RBFOX1: variants seen among roughly 807,000 people sequenced by gnomAD.
RBFOX1 encodes RNA binding protein fox-1 homolog 1.
RBFOX1 carries 8 observed loss-of-function variants against 57.7 expected under a neutral mutation model. The ratio of observed to expected loss-of-function variants is 0.14; its 90% CI spans 0.08 to 0.25. The LOEUF (loss-of-function observed/expected upper bound fraction) is 0.25. RBFOX1 is among the 10% of genes least tolerant of loss of function. The pLI, the probability that RBFOX1 is intolerant of heterozygous loss-of-function variation, is 1.00. For missense variants in RBFOX1, 611 were observed against 548.5 expected (o/e 1.11, Z -1.14); for synonymous variants, 326 against 222.4 (o/e 1.47, Z -4.15).
At chr16:5,513,965 T>C (rs1388036788) in intron 2 of RBFOX1, among the ~76,000 whole-genome samples, 1 of 152,204 alleles carries the variant, frequency 6.6e-6, no homozygotes, top group African/African-American at 2.4e-5. Flanking sequence ...ATGAATAAAA[T>C]ACCAACATGT....
rs1445751698 is a variant in RBFOX1 at position 5,924,321 on chromosome 16, C to T, written c.351+56986C>T. 2.6e-5 allele frequency among the ~76,000 whole-genome samples: 4 copies of T among 152,132 alleles called. No individual in the cohort carries two copies. In the East Asian group the frequency reaches 5.8e-4, roughly 22 times the overall value. ...CTGCTATAATTTGGATGTTTAACCCCTCCAAACCTCATGTTAAAATTTGAT... is the reference window on the plus strand; with the variant it reads ...CTGCTATAATTTGGATGTTTAACCCTTCCAAACCTCATGTTAAAATTTGAT... On this transcript the variant is annotated intron_variant, in intron 4 of 19. Coordinates refer to the RBFOX1 transcript ENST00000641259.
intron 2 of RBFOX1, among the ~76,000 whole-genome samples, chr16:6,615,236 A>G (rs1215742495): frequency 3.3e-5 from 5 of 152,230 alleles, no homozygotes; most frequent in African/African-American, 1.2e-4. Context: ...AGAACTTCCC[A>G]GTGGATTTAG....
At chr16:6,947,917 C>G (rs967232706) in intron 3 of RBFOX1, among the ~76,000 whole-genome samples, 2 of 152,000 alleles carry the variant, frequency 1.3e-5, no homozygotes, top group South Asian at 2.1e-4. Flanking sequence ...GCTGGGATTA[C>G]AGGCTCAACC....
intron 2 of RBFOX1, among the ~76,000 whole-genome samples, chr16:6,574,459 T>C (rs1968167): frequency 0.47 from 62,519 of 132,094 alleles, 16,111 homozygotes; most frequent in East Asian, 0.66. Context: ...GACTGAGTCT[T>C]GCTCTGTCGC....
chr16:5,777,031 C>A (rs1033853950), intron 3 of RBFOX1, among the ~76,000 whole-genome samples: 11 of 152,196 alleles, frequency 7.2e-5, no homozygotes, highest in African/African-American at 2.4e-4. Context: ...AGCTCTGCTG[C>A]AAACTGCCTG....
At chr16:6,773,795 TG>T (rs1399400522) in intron 3 of RBFOX1, 1 of 181,544 alleles carries the variant, frequency 5.5e-6, no homozygotes, top group African/African-American at 2.4e-5. Flanking sequence ...TCTATGTGTA[TG>T]TGTGGGAGTT....
intron 2 of RBFOX1, among the ~76,000 whole-genome samples, chr16:6,344,682 C>T (rs1162145363): frequency 6.8e-6 from 1 of 147,614 alleles, no homozygotes. Flanking sequence ...CAGGCGTGAG[C>T]CACCGAGCCC....
chr16:5,956,659 TA>T (rs61268925), intron 4 of RBFOX1, among the ~76,000 whole-genome samples: 56 of 71,760 alleles, frequency 7.8e-4, no homozygotes, highest in African/African-American at 1.8e-3. Flanking sequence ...TATATATATT[TA>T]TATATATATA....
intron 4 of RBFOX1, among the ~76,000 whole-genome samples, chr16:7,484,038 G>A (rs1251621195): frequency 6.6e-6 from 1 of 152,048 alleles, no homozygotes; most frequent in Non-Finnish European, 1.5e-5. Context: ...GTATTAATCA[G>A]CTTTCTGTCC....
chr16:6,126,597 T>C (rs1333665540), intron 1 of RBFOX1, among the ~76,000 whole-genome samples: 1 of 152,206 alleles, frequency 6.6e-6, no homozygotes, highest in African/African-American at 2.4e-5. Flanking sequence ...TCAGCATTTA[T>C]GTGCATGCTA....
chr16:7,653,461 G>T (rs2065545267), intron 11 of RBFOX1, among the ~76,000 whole-genome samples: 1 of 152,152 alleles, frequency 6.6e-6, no homozygotes, highest in East Asian at 1.9e-4. Context: ...AGCCGTGATT[G>T]CACCACTGCA....
chr16:7,288,499 C>G (rs1455252729), intron 4 of RBFOX1, among the ~76,000 whole-genome samples: 1 of 152,142 alleles, frequency 6.6e-6, no homozygotes, highest in Non-Finnish European at 1.5e-5. Context: ...GAATGTAAAA[C>G]CCTTGGCATA....
intron 10 of RBFOX1, among the ~76,000 whole-genome samples, chr16:7,608,355 A>T (rs374106389): frequency 1.3e-5 from 2 of 152,240 alleles, no homozygotes; most frequent in African/African-American, 4.8e-5. Flanking sequence ...ACAAAATTTA[A>T]GTTAAAAATC....
At chr16:7,346,401 T>A (rs1019590207) in intron 4 of RBFOX1, among the ~76,000 whole-genome samples, 1 of 152,020 alleles carries the variant, frequency 6.6e-6, no homozygotes. Flanking sequence ...AGGAGCTTCA[T>A]TAAGGAGCAT....
At chr16:7,148,466 T>C (rs2075470608) in intron 4 of RBFOX1, among the ~76,000 whole-genome samples, 1 of 152,244 alleles carries the variant, frequency 6.6e-6, no homozygotes. Context: ...GCTGTTTACA[T>C]CTCAACTTCG....
At chr16:6,279,071 G>A (rs67517937) in intron 1 of RBFOX1, among the ~76,000 whole-genome samples, 24,380 of 151,958 alleles carry the variant, frequency 0.16, 2,091 homozygotes, top group African/African-American at 0.2. Context: ...TTGCAGGTGG[G>A]GGGAAATTGA....
At chr16:7,656,694 T>G (rs1022681120) in intron 12 of RBFOX1, among the ~76,000 whole-genome samples, 1 of 152,168 alleles carries the variant, frequency 6.6e-6, no homozygotes. Context: ...TATTGTGTTT[T>G]AGGCACTGTT....
chr16:7,314,008 G>T (rs1197574633), intron 4 of RBFOX1, among the ~76,000 whole-genome samples: 1 of 151,388 alleles, frequency 6.6e-6, no homozygotes, highest in Non-Finnish European at 1.5e-5. Flanking sequence ...AAGAGTTCAG[G>T]CGACCTGTCA....
At chr16:7,028,318 C>T (rs1289013814) in intron 3 of RBFOX1, among the ~76,000 whole-genome samples, 1 of 152,084 alleles carries the variant, frequency 6.6e-6, no homozygotes, top group African/African-American at 2.4e-5. Context: ...AAATGGGCTT[C>T]TGTGAAATTG....
Sources: allele counts gnomAD v4.1 joint callset (sites outside exome capture counted in the v4.1 genomes callset), GRCh38; gene constraint gnomAD v4.1.1; transcripts MANE v1.5; gene names NCBI Gene and HGNC (gene_info 2026-07-23, HGNC 2026-07-21).